Variants in ATP2B2 observed in about 807,000 individuals in gnomAD.
ATP2B2 encodes ATPase plasma membrane Ca2+ transporting 2.
In ATP2B2, 15 loss-of-function variants were observed where a neutral mutation model predicts 120.0. The observed-to-expected ratio is 0.12, with a 90% CI of 0.08 to 0.19. ATP2B2 has a LOEUF of 0.19. Among genes scored for constraint, ATP2B2 ranks in the 10% least tolerant of loss-of-function variants. ATP2B2 has a pLI of 1.00. For missense variants in ATP2B2, 1,045 were observed against 1,719.8 expected, an observed-to-expected ratio of 0.61 and a Z score of 6.94; for synonymous variants, 694 against 700.3, an observed-to-expected ratio of 0.99 and a Z score of 0.14.
intron 1 of ATP2B2, among the ~76,000 whole-genome samples, chr3:10,686,043 C>CTTTTTTT (rs34073958): frequency 2.8e-4 from 26 of 93,216 alleles, no homozygotes; most frequent in African/African-American, 5.0e-4. Flanking sequence ...TTCCTCCTTT[C>CTTTTTTT]TTTTTTTTTT....
At chr3:10,334,689 G>T (rs1441658231) in intron 22 of ATP2B2, among the ~76,000 whole-genome samples, 1 of 152,204 alleles carries the variant, frequency 6.6e-6, no homozygotes, top group African/African-American at 2.4e-5. Context: ...CCTGCTTTCT[G>T]CTTCTGTCCT....
intron 1 of ATP2B2, among the ~76,000 whole-genome samples, chr3:10,484,028 G>A (rs2065524981): frequency 1.3e-5 from 2 of 152,222 alleles, no homozygotes; most frequent in Admixed American, 6.5e-5. Flanking sequence ...TCTGCCACCT[G>A]CTTGCTTTGT....
chr3:10,477,516 A>T (rs1282082093), intron 1 of ATP2B2, among the ~76,000 whole-genome samples: 1 of 152,108 alleles, frequency 6.6e-6, no homozygotes, highest in Non-Finnish European at 1.5e-5. Flanking sequence ...CCTCTTCCCA[A>T]ACTGAAGTTC....
chr3:10,346,178 G>A lies in ATP2B2; in HGVS notation c.2405-41C>T, dbSNP rs199596853. ...TGTGCTCAGGCCCTGGGCCACTCAG[G>A]TGGGAGGCAGCCTGGGCCAGCCCTG... On this transcript the variant is annotated intron_variant, in intron 16 of 22. Coordinates refer to ENST00000360273, the MANE Select transcript of ATP2B2 (RefSeq NM_001001331.4). The surrounding 1 kb of genome is among the most constrained non-coding windows in gnomAD (Gnocchi z 4.1). 17 of 1,596,948 alleles carry A rather than the reference G, an allele frequency of 1.1e-5. No individual in the cohort carries two copies. The highest frequency in any genetic ancestry group is 3.3e-5 in the South Asian group (3 of 90,726).
chr3:10,517,633 A>G (rs557710852), intron 3 of ATP2B2, among the ~76,000 whole-genome samples: 1 of 152,342 alleles, frequency 6.6e-6, no homozygotes, highest in South Asian at 2.1e-4. Flanking sequence ...CGGGCTAAGA[A>G]AGCCTTGAGG....
At chr3:10,613,853 C>T (rs2069308370) in intron 2 of ATP2B2, among the ~76,000 whole-genome samples, 1 of 152,138 alleles carries the variant, frequency 6.6e-6, no homozygotes, top group African/African-American at 2.4e-5. Flanking sequence ...CACAGCCCCT[C>T]ACCTAGCTCT....
intron 1 of ATP2B2, among the ~76,000 whole-genome samples, chr3:10,621,072 T>C (rs6808382): frequency 0.053 from 8,042 of 152,316 alleles, 332 homozygotes; most frequent in South Asian, 0.16. Context: ...TGAGCCCTGC[T>C]GTGCTGCTCA....
chr3:10,623,241 TG>T (rs1412867484), intron 1 of ATP2B2, among the ~76,000 whole-genome samples: 6 of 152,046 alleles, frequency 3.9e-5, no homozygotes, highest in African/African-American at 1.4e-4. Context: ...TTTTTAAAAA[TG>T]TTTTTTGTGG....
chr3:10,447,147 G>A (rs987852799), intron 2 of ATP2B2, among the ~76,000 whole-genome samples: 10 of 152,226 alleles, frequency 6.6e-5, no homozygotes, highest in Non-Finnish European at 1.5e-5. Context: ...CTACTCAGCT[G>A]TCTGAGAGCT....
intron 2 of ATP2B2, among the ~76,000 whole-genome samples, chr3:10,546,989 T>G (rs1196791963): frequency 6.6e-6 from 1 of 152,196 alleles, no homozygotes; most frequent in East Asian, 1.9e-4. Context: ...CTGTGCCATC[T>G]GCCACACACC....
rs2062255781 is a variant in ATP2B2 at position 10,402,483 on chromosome 3, G to A, written c.398-135C>T. The A allele has an allele frequency of 3.8e-6, 5 of 1,321,158 alleles. No individual in the cohort carries two copies. In the South Asian group the frequency reaches 6.1e-5, roughly 16 times the overall value. 81.8% of individuals were successfully genotyped at this position (1,321,158 alleles called of 1,614,324 possible). A position where few individuals can be genotyped will look rare whatever the true frequency, so the allele number is the denominator to read the frequency against. On this transcript the variant is annotated intron_variant, in intron 3 of 22. Coordinates refer to ENST00000360273, the MANE Select transcript of ATP2B2 (RefSeq NM_001001331.4). This position sits in a 1 kb window ranked among gnomAD's most constrained non-coding sequence, Gnocchi z 4.9. ...TGATAATTATCCACTTACTCAGTGTGTCTGGGTACCAAGCCCTGTGGAAAG... is the reference window on the plus strand; with the variant it reads ...TGATAATTATCCACTTACTCAGTGTATCTGGGTACCAAGCCCTGTGGAAAG...
At position 10,372,045 on chromosome 3, in the gene ATP2B2, T is replaced by A; in HGVS notation, c.1423A>T (p.Met475Leu). 4.3e-6 allele frequency: 7 copies of A among 1,614,172 alleles called. No individual in the cohort carries two copies. Among genetic ancestry groups the A allele is most frequent in the Non-Finnish European group, 5.9e-6 (7 of 1,180,030 alleles). ...TGGCGTACCAGGTTGTTGTCCTTCA[T>A]CATTTTCTGGGAGAAGGGGCAGGTG... The part of the protein sequence containing the change: ...ISLAYSVKKM[M>L]KDNNLVRHLD... The change falls in exon 12 of 23, where the codon ATG becomes TTG. Residue 475 changes from methionine (M) to leucine (L), a missense_variant. This residue lies in a region of ATP2B2 where 343 missense variants were observed against 536.8 expected (regional missense o/e 0.64). Coordinates refer to ENST00000360273, the MANE Select transcript of ATP2B2 (RefSeq NM_001001331.4).
At chr3:10,364,305 T>C (rs1363668901) in intron 12 of ATP2B2, among the ~76,000 whole-genome samples, 1 of 152,196 alleles carries the variant, frequency 6.6e-6, no homozygotes, top group African/African-American at 2.4e-5. Flanking sequence ...AGATGAGTTG[T>C]ACAACAATGT....
intron 3 of ATP2B2, among the ~76,000 whole-genome samples, chr3:10,516,537 T>A (rs1200654073): frequency 6.6e-6 from 1 of 152,176 alleles, no homozygotes; most frequent in African/African-American, 2.4e-5. Flanking sequence ...CCAGTTCTCA[T>A]CCCATTGTCC....
At chr3:10,599,342 A>G (rs896895995) in intron 2 of ATP2B2, among the ~76,000 whole-genome samples, 6 of 151,752 alleles carry the variant, frequency 4.0e-5, no homozygotes, top group Admixed American at 3.9e-4. Context: ...TGAGCACTCC[A>G]CCTTTGGCTC....
intron 2 of ATP2B2, among the ~76,000 whole-genome samples, chr3:10,413,200 A>T (rs2062670832): frequency 6.6e-6 from 1 of 152,172 alleles, no homozygotes; most frequent in Non-Finnish European, 1.5e-5. Flanking sequence ...CTGCCCGTGG[A>T]TGTCAGAGCT....
chr3:10,501,657 C>G (rs1017216882), intron 1 of ATP2B2, among the ~76,000 whole-genome samples: 3 of 152,022 alleles, frequency 2.0e-5, no homozygotes, highest in Admixed American at 2.0e-4. Context: ...TCAGGAGGGC[C>G]TGATTTAGCT....
At chr3:10,398,169 A>T (rs1180853462) in intron 5 of ATP2B2, among the ~76,000 whole-genome samples, 1 of 152,100 alleles carries the variant, frequency 6.6e-6, no homozygotes, top group Non-Finnish European at 1.5e-5. Flanking sequence ...CACTTTGCAC[A>T]TTGCAACAGG....
At chr3:10,350,356 T>G (rs1391721666) in intron 15 of ATP2B2, 42 bp downstream of exon 15, 2 of 1,613,786 alleles carry the variant, frequency 1.2e-6, no homozygotes, top group Non-Finnish European at 1.7e-6. Flanking sequence ...AGCTCCCATC[T>G]GAGCGCGTTC....
Sources: gnomAD v4.1 joint callset for allele counts (sites outside exome capture counted in the v4.1 genomes callset) on GRCh38, gnomAD v4.1.1 for gene constraint, gnomAD v4.1.1 regional missense constraint, Gnocchi (gnomAD v3.1) non-coding constraint, MANE v1.5 for transcripts, NCBI Gene and HGNC (gene_info 2026-07-23, HGNC 2026-07-21) for gene names.